The following TAOK1 variants were observed in gnomAD, a reference collection of about 807,000 sequenced individuals.
TAOK1 encodes serine/threonine-protein kinase TAO1.
In TAOK1, 21 loss-of-function variants were observed where a neutral mutation model predicts 138.3. The observed-to-expected ratio is 0.15, with a 90% CI of 0.11 to 0.22. TAOK1 has a LOEUF of 0.22. TAOK1 is among the 10% of genes least tolerant of loss of function. The pLI, the probability that TAOK1 is intolerant of heterozygous loss-of-function variation, is 1.00. For missense variants in TAOK1, 651 were observed against 1,227.7 expected (o/e 0.53, Z 7.02); for synonymous variants, 361 against 398.4 (o/e 0.91, Z 1.12).
At chr17:29,432,450 G>A (rs1905873646) in intron 1 of TAOK1, among the ~76,000 whole-genome samples, 1 of 152,210 alleles carries the variant, frequency 6.6e-6, no homozygotes, top group Admixed American at 6.5e-5. Flanking sequence ...TCGCAGTGCT[G>A]CAGAGATTTT....
intron 1 of TAOK1, among the ~76,000 whole-genome samples, chr17:29,419,781 A>C (rs1423200605): frequency 6.6e-6 from 1 of 152,114 alleles, no homozygotes; most frequent in Non-Finnish European, 1.5e-5. Flanking sequence ...GGCATGTGCC[A>C]CTGAGCTCAG....
chr17:29,475,131 C>T (rs1269908735), intron 3 of TAOK1, among the ~76,000 whole-genome samples: 1 of 151,898 alleles, frequency 6.6e-6, no homozygotes, highest in African/African-American at 2.4e-5. Context: ...AGTAGAGACA[C>T]GGTTTCACCA....
chr17:29,534,309 A>G lies in TAOK1; in HGVS notation c.2544+9A>G, dbSNP rs201619106. On this transcript the variant is annotated intron_variant, in intron 19 of 19. Transcript: ENST00000261716. ...CACTCTTAGAACAAAAGGTATAAGTAATAGAAGGAAAAATCATTGTTTTCG... is the reference window on the plus strand; with the variant it reads ...CACTCTTAGAACAAAAGGTATAAGTGATAGAAGGAAAAATCATTGTTTTCG... 226 of 1,524,364 alleles carry G rather than the reference A, an allele frequency of 1.5e-4. No individual in the cohort carries two copies. Among genetic ancestry groups the G allele is most frequent in the Non-Finnish European group, 1.8e-4 (210 of 1,135,856 alleles). 94.4% of individuals were successfully genotyped at this position (1,524,364 alleles called of 1,614,324 possible).
At chr17:29,476,526 A>G (rs1012557779) in intron 4 of TAOK1, among the ~76,000 whole-genome samples, 3 of 152,174 alleles carry the variant, frequency 2.0e-5, no homozygotes, top group African/African-American at 7.2e-5. Context: ...TGAGGATTAA[A>G]TTGGTTACTA....
At chr17:29,398,698 GTTT>G (rs1367793854) in intron 1 of TAOK1, among the ~76,000 whole-genome samples, 1 of 150,908 alleles carries the variant, frequency 6.6e-6, no homozygotes, top group Non-Finnish European at 1.5e-5. Flanking sequence ...CCTGGCTAAT[GTTT>G]TTGTTTTTTT....
chr17:29,401,219 G>A (rs1287641172), intron 1 of TAOK1, among the ~76,000 whole-genome samples: 1 of 151,942 alleles, frequency 6.6e-6, no homozygotes, highest in East Asian at 1.9e-4. Flanking sequence ...TCAGCAGTTT[G>A]CCACATTTTT....
At chr17:29,531,175 G>T (rs1302284824) in intron 18 of TAOK1, among the ~76,000 whole-genome samples, 1 of 150,796 alleles carries the variant, frequency 6.6e-6, no homozygotes, top group Non-Finnish European at 1.5e-5. Context: ...TACCGTGTTA[G>T]CCAGGATGGT....
chr17:29,395,766 T>TCCCA (rs1360462040), intron 1 of TAOK1, among the ~76,000 whole-genome samples: 1 of 150,026 alleles, frequency 6.7e-6, no homozygotes, highest in East Asian at 2.0e-4. Flanking sequence ...CAAGTGCTCT[T>TCCCA]CCCACATCAA....
At chr17:29,489,609 G>A in intron 8 of TAOK1, 55 bp from the exon 9 acceptor site, 2 of 1,187,502 alleles carry the variant, frequency 1.7e-6, no homozygotes, top group South Asian at 3.0e-5. Context: ...AACGTGCCCA[G>A]GACTTGAGTA....
intron 1 of TAOK1, among the ~76,000 whole-genome samples, chr17:29,441,031 A>G (rs2029927354): frequency 6.6e-6 from 1 of 152,182 alleles, no homozygotes; most frequent in African/African-American, 2.4e-5. Context: ...TTCCTAGAAT[A>G]AGTGCCACTT....
chr17:29,467,076 G>A lies in TAOK1; in HGVS notation c.133-69G>A, dbSNP rs188717003. 6.4e-4 allele frequency: 762 copies of A among 1,189,614 alleles called. 2 individuals are homozygous for A. In the African/African-American group the frequency reaches 0.01, roughly 16 times the overall value. 73.7% of individuals were successfully genotyped at this position (1,189,614 alleles called of 1,614,324 possible). On this transcript the variant is annotated intron_variant, in intron 2 of 19. Transcript: ENST00000261716. ...GTAGTTTACAAATGCTTTTATATTC[G>A]CAAAGAAATAGTTGCCTAGATTTCA...
At chr17:29,451,935 G>C (rs919786602) in intron 2 of TAOK1, among the ~76,000 whole-genome samples, 1 of 152,074 alleles carries the variant, frequency 6.6e-6, no homozygotes, top group African/African-American at 2.4e-5. Flanking sequence ...TATTTTGTGG[G>C]CCAGGCTTGG....
chr17:29,542,960 A>G lies in TAOK1; in HGVS notation c.2944A>G (p.Met982Val), dbSNP rs1158012327. The change falls in exon 20 of 20, where the codon ATG (methionine) becomes GTG (valine). Residue 982 changes from methionine to valine, a missense_variant. Around this residue, in one of 8 missense-constraint regions of TAOK1, gnomAD observed 108 missense variants for 120.3 expected, o/e 0.90. Transcript: ENST00000261716. ...TTCTGGGGGACGGACGGAGCAGGGC[A>G]TGAGCAGAAGCACGAGTGTCACTTC... ...TASGGRTEQG[M>V]SRSTSVTSQI... 2.5e-6 allele frequency: 4 copies of G among 1,612,294 alleles called. No individual in the cohort carries two copies. The South Asian group carries it at 3.3e-5, about 13-fold the overall frequency.
rs529994370 is a variant in TAOK1 at position 29,548,183 on chromosome 17, A to G, written c.*5161A>G. On this transcript the variant is annotated 3_prime_UTR_variant, in exon 20 of 20. Transcript: ENST00000261716. ...TCACTCATACAAGGGAAGAGACTCC[A>G]TTTAGCTTAACGGTAGTCTTTAGAT... 2.6e-5 allele frequency: 4 copies of G among 152,246 alleles called. No individual in the cohort carries two copies. Among genetic ancestry groups the G allele is most frequent in the Non-Finnish European group, 4.4e-5 (3 of 67,976 alleles). The allele number at this position is 152,246 out of a possible 1,614,324, so 9.4% of individuals were successfully genotyped here.
chr17:29,493,917 T>A (rs1356227541), intron 10 of TAOK1, among the ~76,000 whole-genome samples: 5 of 151,960 alleles, frequency 3.3e-5, no homozygotes, highest in South Asian at 2.1e-4. Context: ...TAATAATAAT[T>A]ATTTTTTTTT....
At chr17:29,489,547 T>A in intron 8 of TAOK1, 117 bp from the exon 9 acceptor site, 1 of 654,140 alleles carries the variant, frequency 1.5e-6, no homozygotes, top group Non-Finnish European at 2.5e-6. Flanking sequence ...CAATTTTTTG[T>A]GTAAGTTTAA....
At chr17:29,510,334 G>A (rs1321789263) in intron 14 of TAOK1, among the ~76,000 whole-genome samples, 1 of 152,054 alleles carries the variant, frequency 6.6e-6, no homozygotes, top group African/African-American at 2.4e-5. Context: ...CCGAGCTCGT[G>A]CCACTGCACT....
chr17:29,396,255 G>A (rs1279520774), intron 1 of TAOK1, among the ~76,000 whole-genome samples: 1 of 152,110 alleles, frequency 6.6e-6, no homozygotes, highest in East Asian at 1.9e-4. Context: ...ATTTGTGCCA[G>A]AAGCAGACTT....
At chr17:29,531,636 G>C (rs985495292) in intron 18 of TAOK1, among the ~76,000 whole-genome samples, 2 of 151,596 alleles carry the variant, frequency 1.3e-5, no homozygotes, top group African/African-American at 4.8e-5. Flanking sequence ...GGTGGTGGGC[G>C]CCCATAATCC....
Sources: gnomAD v4.1 joint callset for allele counts (sites outside exome capture counted in the v4.1 genomes callset) on GRCh38, gnomAD v4.1.1 for gene constraint, gnomAD v4.1.1 regional missense constraint, MANE v1.5 for transcripts, NCBI Gene and HGNC (gene_info 2026-07-23, HGNC 2026-07-21) for gene names.